TIAM2: variants seen among roughly 807,000 people sequenced by gnomAD.
TIAM2 encodes rho guanine nucleotide exchange factor TIAM2.
TIAM2 carries 80 observed loss-of-function variants against 152.9 expected under a neutral mutation model. The observed-to-expected ratio is 0.52, with a 90% CI of 0.44 to 0.63. The LOEUF (loss-of-function observed/expected upper bound fraction) is 0.63. Among genes scored for constraint, TIAM2 ranks in the 30% least tolerant of loss-of-function variants. The probability of loss-of-function intolerance (pLI) is 0.00; values close to 1 mark genes in which losing one functional copy is unlikely to be tolerated. For missense variants in TIAM2, 1,965 were observed against 2,120.1 expected, an observed-to-expected ratio of 0.93 and a Z score of 1.44; for synonymous variants, 804 against 838.0, an observed-to-expected ratio of 0.96 and a Z score of 0.70.
intron 15 of TIAM2, among the ~76,000 whole-genome samples, chr6:155,236,003 C>A (rs144786703): frequency 1.1e-3 from 166 of 152,184 alleles, no homozygotes; most frequent in African/African-American, 3.9e-3. Context: ...AATATAGATT[C>A]TATAGCCCTG....
rs1780719915 is a variant in TIAM2, at chr6:155,174,686, T to C, written c.2362-2130T>C. Among the ~76,000 whole-genome samples, 1 of 152,208 alleles carries C rather than the reference T, an allele frequency of 6.6e-6. No homozygotes were observed. Among genetic ancestry groups the C allele is most frequent in the Non-Finnish European group, 1.5e-5 (1 of 68,036 alleles). ...GCCCGGCCAAGTGATACAGTCTTTCTCTGATTGTCAGTAACGGTGAGAACA... is the reference window on the plus strand; with the variant it reads ...GCCCGGCCAAGTGATACAGTCTTTCCCTGATTGTCAGTAACGGTGAGAACA... On this transcript the variant is annotated intron_variant, in intron 9 of 26. Transcript: ENST00000682666. This position sits in a 1 kb window ranked among gnomAD's most constrained non-coding sequence, Gnocchi z 4.2.
At chr6:155,043,818 T>A (rs1340840448) in intron 1 of TIAM2, among the ~76,000 whole-genome samples, 1 of 152,028 alleles carries the variant, frequency 6.6e-6, no homozygotes, top group Non-Finnish European at 1.5e-5. Context: ...AATCAGCTAC[T>A]TAGTTACAAG....
intron 15 of TIAM2, among the ~76,000 whole-genome samples, chr6:155,234,800 A>C (rs1378601643): frequency 2.0e-5 from 3 of 152,222 alleles, no homozygotes; most frequent in Admixed American, 2.0e-4. Context: ...CTGCCTCTCT[A>C]AGCAGAGGTG....
At chr6:155,048,026 C>A (rs779669239) in intron 1 of TIAM2, among the ~76,000 whole-genome samples, 1 of 152,134 alleles carries the variant, frequency 6.6e-6, no homozygotes, top group Non-Finnish European at 1.5e-5. Flanking sequence ...GATCTCCACT[C>A]ACTGCAACCT....
chr6:155,106,031 G>C (rs1462265428), intron 2 of TIAM2, among the ~76,000 whole-genome samples: 1 of 55,964 alleles, frequency 1.8e-5, no homozygotes, highest in Non-Finnish European at 4.0e-5. Flanking sequence ...TTTTGAGAGA[G>C]AGTCTCTATG....
chr6:155,004,009 T>G (rs914178958), intron 1 of TIAM2, among the ~76,000 whole-genome samples: 1 of 152,336 alleles, frequency 6.6e-6, no homozygotes, highest in East Asian at 1.9e-4. Context: ...GTGTGAGATG[T>G]TTTGCACTTA....
intron 14 of TIAM2, among the ~76,000 whole-genome samples, chr6:155,192,628 TCTC>T (rs1210507936): frequency 7.4e-6 from 1 of 134,614 alleles, no homozygotes; most frequent in Non-Finnish European, 1.6e-5. Flanking sequence ...TAATGAAATG[TCTC>T]CTCAAACCAA....
At position 155,185,416 on chromosome 6, in the gene TIAM2, C is replaced by G. The variant is rs374852200; in HGVS notation, c.3064+1916C>G. ...TGCTGGGATTACAGGTGTAAGCAACCGCGCCCGGCTGTTTTTCTTTTCTTT... is the reference window on the plus strand; with the variant it reads ...TGCTGGGATTACAGGTGTAAGCAACGGCGCCCGGCTGTTTTTCTTTTCTTT... On this transcript the variant is annotated intron_variant, in intron 14 of 26. Transcript: ENST00000682666. 3.4e-3 allele frequency among the ~76,000 whole-genome samples: 515 copies of G among 151,960 alleles called. 6 individuals carry two copies. The highest frequency in any genetic ancestry group is 0.011 in the African/African-American group (466 of 41,486).
chr6:155,105,192 C>T (rs1040838931), intron 2 of TIAM2, among the ~76,000 whole-genome samples: 1 of 151,910 alleles, frequency 6.6e-6, no homozygotes, highest in African/African-American at 2.4e-5. Context: ...TCCTGTCTTG[C>T]TCTGTCTCCC....
intron 15 of TIAM2, among the ~76,000 whole-genome samples, chr6:155,239,101 C>A (rs1782906302): frequency 6.6e-6 from 1 of 152,132 alleles, no homozygotes; most frequent in African/African-American, 2.4e-5. Context: ...TGTAAGCTTT[C>A]TGCAATATCC....
chr6:155,153,742 C>A (rs1236966613), intron 7 of TIAM2, among the ~76,000 whole-genome samples: 1 of 150,542 alleles, frequency 6.6e-6, no homozygotes, highest in African/African-American at 2.4e-5. Flanking sequence ...CTGCCTCAAC[C>A]TCCCGAGTAG....
intron 15 of TIAM2, among the ~76,000 whole-genome samples, chr6:155,219,185 T>C (rs1234104833): frequency 6.6e-6 from 1 of 152,200 alleles, no homozygotes; most frequent in Non-Finnish European, 1.5e-5. Flanking sequence ...TGGGTCCTCT[T>C]TGTTGTCTGC....
chr6:155,179,181 A>G, intron 11 of TIAM2, 38 bp downstream of exon 11: 1 of 1,555,606 alleles, frequency 6.4e-7, no homozygotes, highest in Non-Finnish European at 8.8e-7. Context: ...AAACTGAACC[A>G]CATCTATGGC....
At chr6:155,093,110 C>T (rs573858195) in intron 2 of TIAM2, among the ~76,000 whole-genome samples, 1 of 152,250 alleles carries the variant, frequency 6.6e-6, no homozygotes, top group Admixed American at 6.5e-5. Flanking sequence ...ATCAGACAGA[C>T]CTGGTTTGAG....
At chr6:155,023,041 TG>T (rs1776529282) in intron 1 of TIAM2, among the ~76,000 whole-genome samples, 2 of 66,914 alleles carry the variant, frequency 3.0e-5, no homozygotes, top group African/African-American at 1.3e-4. Context: ...TTTTTTGTTC[TG>T]TTTTTTTTTT....
chr6:155,170,311 A>G (rs1780554585), intron 9 of TIAM2, among the ~76,000 whole-genome samples: 1 of 131,906 alleles, frequency 7.6e-6, no homozygotes, highest in Non-Finnish European at 1.7e-5. Context: ...TTCCAGCATT[A>G]TATAACAATG....
At chr6:155,204,177 C>T (rs986854817) in intron 14 of TIAM2, among the ~76,000 whole-genome samples, 3 of 152,146 alleles carry the variant, frequency 2.0e-5, no homozygotes, top group African/African-American at 7.2e-5. Flanking sequence ...CTCGATTTTA[C>T]AAAGAAATGC....
chr6:155,082,386 C>A (rs935995059), intron 1 of TIAM2, among the ~76,000 whole-genome samples: 1 of 151,870 alleles, frequency 6.6e-6, no homozygotes, highest in East Asian at 1.9e-4. Flanking sequence ...CACTGTGGCT[C>A]ACGCCTGTAA....
intron 1 of TIAM2, among the ~76,000 whole-genome samples, chr6:155,084,740 T>C (rs1280890836): frequency 6.6e-6 from 1 of 152,210 alleles, no homozygotes; most frequent in Non-Finnish European, 1.5e-5. Flanking sequence ...TTGTAATTAG[T>C]CATCCCTTTG....
Sources: gnomAD v4.1 joint callset for allele counts (sites outside exome capture counted in the v4.1 genomes callset) on GRCh38, gnomAD v4.1.1 for gene constraint, Gnocchi (gnomAD v3.1) non-coding constraint, MANE v1.5 for transcripts, NCBI Gene and HGNC (gene_info 2026-07-23, HGNC 2026-07-21) for gene names.